The following TENM1 variants were observed in gnomAD, a reference collection of about 807,000 sequenced individuals.
TENM1 encodes teneurin-1.
In TENM1, 35 loss-of-function variants were observed where a neutral mutation model predicts 174.8. The ratio of observed to expected loss-of-function variants is 0.20; its 90% CI spans 0.15 to 0.27. TENM1 has a LOEUF of 0.27. Ranked by LOEUF, TENM1 falls within the 10% of genes least tolerant of loss-of-function variation. The pLI, the probability that TENM1 is intolerant of heterozygous loss-of-function variation, is 1.00. For missense variants in TENM1, 1,633 were observed against 2,130.1 expected (o/e 0.77, Z 4.59); for synonymous variants, 781 against 798.7 (o/e 0.98, Z 0.37).
intron 1 of TENM1, among the ~76,000 whole-genome samples, chrX:124,916,617 T>C (rs5958623): frequency 0.1 from 11,260 of 111,131 alleles, 1,366 homozygotes; most frequent in African/African-American, 0.35. Flanking sequence ...AATTTAATTG[T>C]CATTATAACA....
intron 3 of TENM1, among the ~76,000 whole-genome samples, chrX:124,762,214 C>CAT (rs1271822303): frequency 8.9e-6 from 1 of 111,943 alleles, no homozygotes; most frequent in Non-Finnish European, 1.9e-5. Flanking sequence ...TGATCTAAAC[C>CAT]TAATCATCCC....
intron 16 of TENM1, among the ~76,000 whole-genome samples, chrX:124,526,091 T>C (rs180911832): frequency 1.8e-5 from 2 of 112,033 alleles, no homozygotes; most frequent in African/African-American, 6.5e-5. Flanking sequence ...TAGTTCTAAG[T>C]TATTTAATGA....
At chrX:124,764,780 C>T (rs1189300559) in intron 3 of TENM1, among the ~76,000 whole-genome samples, 1 of 107,300 alleles carries the variant, frequency 9.3e-6, no homozygotes, top group Admixed American at 1.0e-4. Context: ...AGTTTTAGAA[C>T]ACTTTTTGAG....
intron 3 of TENM1, among the ~76,000 whole-genome samples, chrX:124,834,469 G>A (rs1435665102): frequency 1.8e-5 from 2 of 111,827 alleles, no homozygotes; most frequent in African/African-American, 6.5e-5. Context: ...CACTGCACTG[G>A]CCAGAGTATG....
intron 3 of TENM1, among the ~76,000 whole-genome samples, chrX:124,828,504 C>T (rs988460959): frequency 2.7e-5 from 3 of 112,211 alleles, no homozygotes; most frequent in African/African-American, 9.7e-5. Flanking sequence ...TACTTTCCAC[C>T]TGCCCTTTTA....
At chrX:124,795,307 T>C (rs1382961862) in intron 3 of TENM1, among the ~76,000 whole-genome samples, 1 of 112,273 alleles carries the variant, frequency 8.9e-6, no homozygotes, top group East Asian at 2.8e-4. Context: ...AATACATAAA[T>C]AAGAAGTAGT....
chrX:124,401,220 C>T (rs762601329), intron 27 of TENM1, among the ~76,000 whole-genome samples: 6 of 111,191 alleles, frequency 5.4e-5, no homozygotes, highest in South Asian at 3.9e-4. Context: ...GAGGTGTGAT[C>T]GGCAGCTTTT....
At chrX:124,790,167 A>C (rs922419425) in intron 3 of TENM1, among the ~76,000 whole-genome samples, 1 of 111,645 alleles carries the variant, frequency 9.0e-6, no homozygotes, top group African/African-American at 3.3e-5. Context: ...AGCACAGGAA[A>C]GACCTGCCCC....
chrX:124,691,393 C>A (rs2052517671), intron 5 of TENM1, among the ~76,000 whole-genome samples: 1 of 112,014 alleles, frequency 8.9e-6, no homozygotes, highest in African/African-American at 3.2e-5. Context: ...AGATAGTCAA[C>A]CTTACTTTTT....
At chrX:124,958,256 C>T (rs1459899671) in intron 1 of TENM1, among the ~76,000 whole-genome samples, 1 of 111,944 alleles carries the variant, frequency 8.9e-6, no homozygotes, top group Admixed American at 9.5e-5. Context: ...TAGGGCACTG[C>T]TGTTTTGGAA....
chrX:125,154,173 T>C, the TENM1 span, among the ~76,000 whole-genome samples: 5 of 112,117 alleles, frequency 4.5e-5, no homozygotes, highest in Admixed American at 4.7e-4. Context: ...AAAGTAATTA[T>C]CAAATCCCAG....
At chrX:125,168,404 T>A in the TENM1 span, among the ~76,000 whole-genome samples, 1 of 111,875 alleles carries the variant, frequency 8.9e-6, no homozygotes, top group African/African-American at 3.2e-5. Context: ...TTGCTTGTAT[T>A]TAGTGTTTTC....
chrX:124,444,402 T>A (rs2060943417), intron 23 of TENM1, among the ~76,000 whole-genome samples: 1 of 111,995 alleles, frequency 8.9e-6, no homozygotes, highest in Non-Finnish European at 1.9e-5. Flanking sequence ...ATATGTCAAA[T>A]GTGTGATACA....
At chrX:124,975,155 A>G in the TENM1 span, among the ~76,000 whole-genome samples, 3 of 109,326 alleles carry the variant, frequency 2.7e-5, no homozygotes, top group African/African-American at 9.9e-5. Context: ...AGCACCTTCT[A>G]AAGTAATTTC....
chrX:124,961,364 G>A (rs750464705), intron 1 of TENM1, among the ~76,000 whole-genome samples: 17 of 111,810 alleles, frequency 1.5e-4, no homozygotes, highest in Admixed American at 2.8e-4. Context: ...AAAAGAGGCC[G>A]GGCATGGTGG....
intron 11 of TENM1, among the ~76,000 whole-genome samples, chrX:124,624,396 T>G (rs937907181): frequency 1.8e-5 from 2 of 111,624 alleles, no homozygotes; most frequent in African/African-American, 6.5e-5. Flanking sequence ...AGGCAATATA[T>G]CCAATTTATG....
chrX:124,699,315 T>C (rs1386574106), intron 5 of TENM1, among the ~76,000 whole-genome samples: 1 of 110,943 alleles, frequency 9.0e-6, no homozygotes, highest in Non-Finnish European at 1.9e-5. Flanking sequence ...TAACCTCCTG[T>C]CCAGTCCCCC....
chrX:124,665,375 G>C (rs928988368), intron 6 of TENM1, among the ~76,000 whole-genome samples: 2 of 111,927 alleles, frequency 1.8e-5, no homozygotes, highest in African/African-American at 3.2e-5. Context: ...AGCTGCCACA[G>C]AATAAAACTA....
intron 18 of TENM1, among the ~76,000 whole-genome samples, chrX:124,517,114 C>T (rs2047721943): frequency 9.1e-6 from 1 of 110,320 alleles, no homozygotes; most frequent in African/African-American, 3.3e-5. Flanking sequence ...CTCATGGACA[C>T]AAAGAGGGGA....
Sources: allele counts gnomAD v4.1 joint callset (sites outside exome capture counted in the v4.1 genomes callset), GRCh38; gene constraint gnomAD v4.1.1; transcripts MANE v1.5; gene names NCBI Gene and HGNC (gene_info 2026-07-23, HGNC 2026-07-21).